TFG: variants seen among roughly 807,000 people sequenced by gnomAD.
The protein encoded by TFG is protein TFG.
In TFG, 22 loss-of-function variants were observed where a neutral mutation model predicts 51.4. The ratio of observed to expected loss-of-function variants is 0.43; its 90% confidence interval spans 0.31 to 0.61. TFG has a LOEUF of 0.61. Among genes scored for constraint, TFG ranks in the 20% least tolerant of loss-of-function variants. The pLI is 0.12. For missense variants in TFG, 419 were observed against 487.7 expected (o/e 0.86, Z 1.33); for synonymous variants, 187 against 165.6 (o/e 1.13, Z -0.99).
At chr3:100,735,268 G>A (rs2149086053) in intron 5 of TFG, among the ~76,000 whole-genome samples, 1 of 152,252 alleles carries the variant, frequency 6.6e-6, no homozygotes, top group East Asian at 1.9e-4. Context: ...GCTGTCAACT[G>A]TGCCTAATAC....
At chr3:100,717,201 A>G (rs914862246) in intron 2 of TFG, among the ~76,000 whole-genome samples, 3 of 151,974 alleles carry the variant, frequency 2.0e-5, no homozygotes, top group African/African-American at 4.8e-5. Flanking sequence ...CTTTTGTTCT[A>G]TGTGTTCTAT....
At chr3:100,732,746 A>G (rs1329569798) in intron 5 of TFG, 74 bp downstream of exon 5, 1 of 1,296,174 alleles carries the variant, frequency 7.7e-7, no homozygotes, top group Admixed American at 2.4e-5. Flanking sequence ...TTCTTTCTTT[A>G]ATTGAAGAAT....
chr3:100,724,786 A>G (rs2095070351), intron 3 of TFG, among the ~76,000 whole-genome samples: 2 of 152,248 alleles, frequency 1.3e-5, no homozygotes, highest in South Asian at 4.1e-4. Context: ...TTTAAATTAG[A>G]AAATCACATA....
At chr3:100,747,495 A>T (rs943471836) in intron 7 of TFG, 3 of 152,510 alleles carry the variant, frequency 2.0e-5, no homozygotes, top group Middle Eastern at 3.2e-3. Flanking sequence ...AGTGAAGCAG[A>T]CTTTCGTTGT....
chr3:100,715,663 G>A (rs368696930), intron 2 of TFG, among the ~76,000 whole-genome samples: 1 of 152,002 alleles, frequency 6.6e-6, no homozygotes, highest in Non-Finnish European at 1.5e-5. Flanking sequence ...GTTTTCTTAT[G>A]CTTATCATAC....
rs1456562207 is a variant in TFG, at chr3:100,748,681, T to G, written c.*150T>G. 1.0e-6 allele frequency: 1 copy of G among 952,646 alleles called. No individual in the cohort carries two copies. Among genetic ancestry groups the G allele is most frequent in the African/African-American group, 1.7e-5 (1 of 60,138 alleles). 59.0% of individuals were successfully genotyped at this position (952,646 alleles called of 1,614,324 possible). On this transcript the variant is annotated 3_prime_UTR_variant, in exon 8 of 8. Transcript: ENST00000240851. ...TTGTTGGTGTTAATTGAAAGTATAA[T>G]TTGCTGGAACACAAAGACCAAAATG...
chr3:100,733,329 G>A (rs549325801), intron 5 of TFG, among the ~76,000 whole-genome samples: 12 of 152,162 alleles, frequency 7.9e-5, no homozygotes, highest in South Asian at 6.2e-4. Context: ...GATTTCTGTT[G>A]AACTCTTCAA....
At chr3:100,746,905 A>G (rs1159601753) in intron 7 of TFG, among the ~76,000 whole-genome samples, 2 of 152,192 alleles carry the variant, frequency 1.3e-5, no homozygotes, top group Non-Finnish European at 2.9e-5. Context: ...TATGTAGAGG[A>G]TAGGAGAACT....
At chr3:100,744,749 G>C in intron 6 of TFG, 84 bp from the exon 7 acceptor site, 1 of 784,980 alleles carries the variant, frequency 1.3e-6, no homozygotes, top group Non-Finnish European at 2.2e-6. Flanking sequence ...GATGGAGAGG[G>C]AATGTATATG....
chr3:100,748,203 G>T lies in TFG; in HGVS notation c.875G>T (p.Gly292Val). ...CAACCTCAGCAGTTCCAGGGATATG[G>T]CCAGCAACCAACTTCCCAGGCACCA... The part of the protein sequence containing the change: ...PQQPQQFQGY[G>V]QQPTSQAPAP... The change falls in exon 8 of 8, where the codon GGC becomes GTC. Residue 292 changes from glycine (G) to valine (V), a missense_variant. By Grantham distance (109) the Gly-to-Val change is moderately radical. This residue lies in a region of TFG where 391 missense variants were observed against 434.4 expected (regional missense o/e 0.90). Coordinates refer to ENST00000240851, the MANE Select transcript of TFG (RefSeq NM_006070.6). 6.2e-7 allele frequency: 1 copy of T among 1,614,052 alleles called. No homozygotes were observed. The highest frequency in any genetic ancestry group is 2.2e-5 in the East Asian group (1 of 44,882).
chr3:100,719,399 T>G (rs1559707904), intron 2 of TFG, among the ~76,000 whole-genome samples: 1 of 152,226 alleles, frequency 6.6e-6, no homozygotes, highest in African/African-American at 2.4e-5. Context: ...CCCTGAGATC[T>G]GGGGGATTTC....
intron 2 of TFG, among the ~76,000 whole-genome samples, chr3:100,716,735 G>T (rs1576355854): frequency 1.3e-5 from 2 of 152,154 alleles, no homozygotes; most frequent in Middle Eastern, 3.4e-3. Flanking sequence ...CATCCTAACT[G>T]GGGTGAACCT....
intron 6 of TFG, 90 bp downstream of exon 6, chr3:100,736,806 C>CA (rs1371667387): frequency 1.1e-5 from 15 of 1,412,172 alleles, no homozygotes; most frequent in Non-Finnish European, 1.4e-5. Context: ...TGTATTTAGT[C>CA]ATGCCTTAAA....
At chr3:100,741,169 T>A (rs1307462708) in intron 6 of TFG, among the ~76,000 whole-genome samples, 5 of 151,202 alleles carry the variant, frequency 3.3e-5, no homozygotes, top group African/African-American at 1.2e-4. Context: ...CCTACTTATT[T>A]AAAAAAAAAC....
intron 3 of TFG, among the ~76,000 whole-genome samples, chr3:100,720,892 T>C (rs573836171): frequency 5.9e-5 from 9 of 152,212 alleles, no homozygotes; most frequent in Non-Finnish European, 1.0e-4. Flanking sequence ...AAATAAAATG[T>C]GTACACTTTT....
chr3:100,734,578 G>T (rs1453260569), intron 5 of TFG, among the ~76,000 whole-genome samples: 1 of 152,144 alleles, frequency 6.6e-6, no homozygotes, highest in Non-Finnish European at 1.5e-5. Flanking sequence ...TCTGGTTTCT[G>T]ATTGACTTTC....
intron 5 of TFG, among the ~76,000 whole-genome samples, chr3:100,734,054 TTTTTTTTTTTGC>T (rs1012667836): frequency 2.1e-5 from 3 of 145,742 alleles, no homozygotes; most frequent in Non-Finnish European, 3.0e-5. Context: ...GTCACAGAAG[TTTTTTTTTTTGC>T]TTTTTTTTTT....
chr3:100,744,743 G>A, intron 6 of TFG, 90 bp from the exon 7 acceptor site: 1 of 750,382 alleles, frequency 1.3e-6, no homozygotes, highest in Non-Finnish European at 2.3e-6. Context: ...TGTTTGGATG[G>A]AGAGGGAATG....
intron 6 of TFG, among the ~76,000 whole-genome samples, chr3:100,739,702 CT>C (rs952923596): frequency 6.6e-5 from 10 of 152,190 alleles, no homozygotes; most frequent in East Asian, 3.9e-4. Flanking sequence ...TTTTGGCATT[CT>C]TTTTTCATCA....
Sources: gnomAD v4.1 joint callset for allele counts (sites outside exome capture counted in the v4.1 genomes callset) on GRCh38, gnomAD v4.1.1 for gene constraint, gnomAD v4.1.1 regional missense constraint, MANE v1.5 for transcripts, NCBI Gene and HGNC (gene_info 2026-07-23, HGNC 2026-07-21) for gene names.